PRKCH: variants seen among roughly 807,000 people sequenced by gnomAD.
PRKCH encodes protein kinase C eta.
PRKCH carries 28 observed loss-of-function variants against 82.5 expected under a neutral mutation model. The observed-to-expected ratio is 0.34, with a 90% confidence interval of 0.25 to 0.47. The LOEUF (loss-of-function observed/expected upper bound fraction) is 0.47. Among genes scored for constraint, PRKCH ranks in the 20% least tolerant of loss-of-function variants. PRKCH has a pLI of 1.00. For missense variants in PRKCH, 705 were observed against 881.8 expected, an observed-to-expected ratio of 0.80 and a Z score of 2.54; for synonymous variants, 322 against 327.4, an observed-to-expected ratio of 0.98 and a Z score of 0.18.
At chr14:61,250,542 A>G (rs1353818559) in intron 1 of PRKCH, among the ~76,000 whole-genome samples, 1 of 152,202 alleles carries the variant, frequency 6.6e-6, no homozygotes, top group Non-Finnish European at 1.5e-5. Flanking sequence ...TCCATAGGCC[A>G]AACAATGGAG....
At chr14:61,298,954 G>A (rs1246675966) in intron 1 of PRKCH, 4 of 152,158 alleles carry the variant, frequency 2.6e-5, no homozygotes, top group Non-Finnish European at 5.9e-5. Flanking sequence ...CCAAGTGGGC[G>A]ACCTGAGAGA....
intron 7 of PRKCH, among the ~76,000 whole-genome samples, chr14:61,455,416 T>C (rs1277393655): frequency 6.6e-6 from 1 of 152,214 alleles, no homozygotes; most frequent in African/African-American, 2.4e-5. Context: ...CAGCAATGAC[T>C]GTTACATGTG....
chr14:61,226,082 C>T (rs766652811), intron 1 of PRKCH, among the ~76,000 whole-genome samples: 27 of 152,198 alleles, frequency 1.8e-4, no homozygotes, highest in Non-Finnish European at 2.9e-4. Flanking sequence ...GCAGCCCCTT[C>T]AAGACTCTGC....
chr14:61,509,519 G>T (rs56911535), intron 10 of PRKCH, among the ~76,000 whole-genome samples: 1 of 152,154 alleles, frequency 6.6e-6, no homozygotes, highest in South Asian at 2.1e-4. Context: ...ATAAATTGAC[G>T]ATGTAAGATA....
intron 1 of PRKCH, among the ~76,000 whole-genome samples, chr14:61,200,781 T>TTA (rs2044475425): frequency 6.6e-6 from 1 of 151,868 alleles, no homozygotes; most frequent in Admixed American, 6.6e-5. Flanking sequence ...TCTATTTTAT[T>TTA]ATTATTATTG....
intron 12 of PRKCH, among the ~76,000 whole-genome samples, chr14:61,534,126 G>A (rs2043077478): frequency 6.6e-6 from 1 of 152,222 alleles, no homozygotes; most frequent in African/African-American, 2.4e-5. Flanking sequence ...TGATGAGGAT[G>A]TAAAATGGTG....
At chr14:61,300,750 G>A (rs1346360746) in intron 1 of PRKCH, among the ~76,000 whole-genome samples, 2 of 152,160 alleles carry the variant, frequency 1.3e-5, no homozygotes, top group Non-Finnish European at 2.9e-5. Context: ...AAGCTTGCAC[G>A]GGTGAATGGC....
intron 1 of PRKCH, among the ~76,000 whole-genome samples, chr14:61,193,376 G>C (rs2044419861): frequency 6.6e-6 from 1 of 152,088 alleles, no homozygotes; most frequent in Non-Finnish European, 1.5e-5. Context: ...GATGGTCATG[G>C]TAGAAAAATC....
At position 61,488,697 on chromosome 14, in the gene PRKCH, G is replaced by C. The variant is rs139763405; in HGVS notation, c.1433+3041G>C. On this transcript the variant is annotated intron_variant, in intron 10 of 13. Coordinates refer to ENST00000332981, the MANE Select transcript of PRKCH (RefSeq NM_006255.5). The stretch of plus-strand genomic sequence containing the variant: ...GCTTTCTTGAATCCTCAGAGGCTTT[G>C]AGTTGGGCCGAGCAGCAAGCTTCCT... Among the ~76,000 whole-genome samples the C allele has an allele frequency of 4.6e-5, 7 of 152,332 alleles. No individual in the cohort carries two copies. The East Asian group carries it at 1.3e-3, about 29-fold the overall frequency.
intron 1 of PRKCH, chr14:61,298,379 T>C (rs2045421822): frequency 6.6e-6 from 1 of 152,196 alleles, no homozygotes; most frequent in Non-Finnish European, 1.5e-5. Context: ...AATGCCGCCG[T>C]CATCAGTGAC....
intron 1 of PRKCH, among the ~76,000 whole-genome samples, chr14:61,207,947 A>C (rs2044540295): frequency 6.6e-6 from 1 of 152,234 alleles, no homozygotes; most frequent in African/African-American, 2.4e-5. Flanking sequence ...CCCCAGCCTG[A>C]CATGGACATT....
Position 61,239,150 on chromosome 14 carries a change from C to T in PRKCH, c.-19+51482C>T, listed in dbSNP as rs559430772. The stretch of plus-strand genomic sequence containing the variant: ...CCTCCTGTTCATGACTGTTCCATAG[C>T]GAGCTGTGGATATTGCATCAACCCA... On this transcript the variant is annotated intron_variant, in intron 1 of 3. Coordinates refer to the PRKCH transcript ENST00000555185. Among the ~76,000 whole-genome samples the T allele has an allele frequency of 3.3e-5, 5 of 152,274 alleles. No homozygotes were observed. The East Asian group carries it at 7.7e-4, about 23-fold the overall frequency.
At chr14:61,236,104 C>T (rs1456483536) in intron 1 of PRKCH, among the ~76,000 whole-genome samples, 10 of 152,148 alleles carry the variant, frequency 6.6e-5, no homozygotes, top group Non-Finnish European at 8.8e-5. Flanking sequence ...TCCGGTGGCT[C>T]ACGCCTGTAA....
chr14:61,249,186 A>G (rs1195805266), intron 1 of PRKCH, among the ~76,000 whole-genome samples: 2 of 152,160 alleles, frequency 1.3e-5, no homozygotes, highest in East Asian at 1.9e-4. Context: ...GTGTGGTCTA[A>G]TTCTAGATAA....
intron 2 of PRKCH, among the ~76,000 whole-genome samples, chr14:61,400,876 A>G (rs1881572770): frequency 1.3e-5 from 2 of 152,224 alleles, no homozygotes; most frequent in African/African-American, 2.4e-5. Flanking sequence ...TTTCCTGGAT[A>G]GTAAGTGCCA....
At chr14:61,366,699 C>T (rs1352829183) in intron 1 of PRKCH, among the ~76,000 whole-genome samples, 3 of 152,098 alleles carry the variant, frequency 2.0e-5, no homozygotes, top group African/African-American at 4.8e-5. Flanking sequence ...GTAGCCAGCC[C>T]TGTAATTAAT....
intron 1 of PRKCH, among the ~76,000 whole-genome samples, chr14:61,195,532 G>A (rs914269901): frequency 1.3e-4 from 20 of 152,222 alleles, no homozygotes; most frequent in African/African-American, 2.7e-4. Context: ...TACTATTGGA[G>A]AAGACAGATG....
rs115289582 is a variant in PRKCH, at chr14:61,379,279, G to A, written c.364-11946G>A. Among the ~76,000 whole-genome samples, 1,289 of 151,842 alleles carry A rather than the reference G, an allele frequency of 8.5e-3. 17 individuals are homozygous for A. Among genetic ancestry groups the A allele is most frequent in the African/African-American group, 0.03 (1,230 of 41,356 alleles). On this transcript the variant is annotated intron_variant, in intron 1 of 13. Coordinates refer to ENST00000332981, the MANE Select transcript of PRKCH (RefSeq NM_006255.5). ...GCATTGTACAAACGTTCCCTCTTTT[G>A]TGGAGCTTTCGTCTCCTTCCCTCCA...
chr14:61,412,129 C>G (rs1882298931), intron 2 of PRKCH, among the ~76,000 whole-genome samples: 1 of 152,148 alleles, frequency 6.6e-6, no homozygotes, highest in Non-Finnish European at 1.5e-5. Flanking sequence ...TAGGCAAAAA[C>G]CAGTGTCTGG....
Sources: allele counts gnomAD v4.1 joint callset (sites outside exome capture counted in the v4.1 genomes callset), GRCh38; gene constraint gnomAD v4.1.1; transcripts MANE v1.5; gene names NCBI Gene and HGNC (gene_info 2026-07-23, HGNC 2026-07-21).